The following TENM3 variants were observed in gnomAD, a reference collection of about 807,000 sequenced individuals.
TENM3 encodes the protein teneurin-3.
TENM3 carries 63 observed loss-of-function variants against 255.1 expected under a neutral mutation model. The observed-to-expected ratio is 0.25, with a 90% CI of 0.20 to 0.30. The LOEUF (loss-of-function observed/expected upper bound fraction) is 0.30. Ranked by LOEUF, TENM3 falls within the 10% of genes least tolerant of loss-of-function variation. The probability of loss-of-function intolerance (pLI) is 1.00; values close to 1 mark genes in which losing one functional copy is unlikely to be tolerated. For missense variants in TENM3, 2,929 were observed against 3,461.1 expected (o/e 0.85, Z 3.86); for synonymous variants, 1,306 against 1,322.3 (o/e 0.99, Z 0.27).
chr4:182,350,152 A>G (rs561859492), intron 3 of TENM3: 4 of 155,776 alleles, frequency 2.6e-5, no homozygotes, highest in African/African-American at 9.6e-5. Flanking sequence ...TTATTTATTG[A>G]TAAAGAGGCC....
chr4:182,296,335 G>A (rs1212479053), intron 1 of TENM3, among the ~76,000 whole-genome samples: 2 of 152,100 alleles, frequency 1.3e-5, no homozygotes, highest in Non-Finnish European at 2.9e-5. Context: ...ACTCTTTTAG[G>A]ATCTCTGATC....
intron 3 of TENM3, among the ~76,000 whole-genome samples, chr4:182,443,265 G>T (rs937149557): frequency 6.6e-6 from 1 of 152,010 alleles, no homozygotes; most frequent in African/African-American, 2.4e-5. Flanking sequence ...GACACATACT[G>T]CCATCCCTGG....
At chr4:182,562,026 A>AGAT (rs2151975648) in intron 3 of TENM3, among the ~76,000 whole-genome samples, 1 of 152,028 alleles carries the variant, frequency 6.6e-6, no homozygotes, top group South Asian at 2.1e-4. Context: ...ATAGATAGAT[A>AGAT]GATAGATACA....
At chr4:182,595,219 C>T (rs147134273) in intron 3 of TENM3, among the ~76,000 whole-genome samples, 3 of 152,216 alleles carry the variant, frequency 2.0e-5, no homozygotes, top group South Asian at 2.1e-4. Flanking sequence ...AACAGAGTTG[C>T]TATCTAGGGA....
the TENM3 span, among the ~76,000 whole-genome samples, chr4:181,834,003 C>A: frequency 2.0e-5 from 3 of 151,706 alleles, no homozygotes; most frequent in African/African-American, 7.3e-5. Flanking sequence ...TATTTTAAGT[C>A]AGTTTTGGAT....
At chr4:181,582,828 G>A in the TENM3 span, among the ~76,000 whole-genome samples, 2 of 152,258 alleles carry the variant, frequency 1.3e-5, no homozygotes, top group Non-Finnish European at 2.9e-5. Flanking sequence ...AAAGGAAAGC[G>A]GCCATCTTGT....
chr4:182,145,276 G>A (rs1293263505), intron 1 of TENM3: 1 of 152,362 alleles, frequency 6.6e-6, no homozygotes, highest in Non-Finnish European at 1.5e-5. Context: ...GAAAAGGAGT[G>A]AAGGAGGGAG....
chr4:182,450,341 C>T (rs1403016784), intron 3 of TENM3, among the ~76,000 whole-genome samples: 1 of 152,130 alleles, frequency 6.6e-6, no homozygotes, highest in Admixed American at 6.5e-5. Context: ...ACTAAGCCTC[C>T]CTCTCAGCCG....
chr4:182,163,407 A>T (rs1279234978), intron 1 of TENM3, among the ~76,000 whole-genome samples: 1 of 152,136 alleles, frequency 6.6e-6, no homozygotes, highest in Non-Finnish European at 1.5e-5. Flanking sequence ...TCTTAGGTAC[A>T]GTGTGCCTCA....
At chr4:182,299,680 A>G (rs1239278455) in intron 1 of TENM3, among the ~76,000 whole-genome samples, 1 of 152,096 alleles carries the variant, frequency 6.6e-6, no homozygotes, top group East Asian at 1.9e-4. Flanking sequence ...TCAAGGTGTT[A>G]TTATCCCCCA....
At chr4:182,143,583 T>C (rs1215774144), upstream of TENM3, 2 of 166,736 alleles carry the variant, frequency 1.2e-5, no homozygotes, top group East Asian at 3.9e-4. This position sits in a 1 kb window ranked among gnomAD's most constrained non-coding sequence, Gnocchi z 4.3. Context: ...CTAAGAAGGT[T>C]AGAGGTTTGA....
the TENM3 span, among the ~76,000 whole-genome samples, chr4:181,493,942 T>C: frequency 1.2e-4 from 18 of 152,216 alleles, no homozygotes; most frequent in South Asian, 3.5e-3. Context: ...TATCAAATAC[T>C]TATAGAGGAC....
the TENM3 span, among the ~76,000 whole-genome samples, chr4:181,806,140 G>T: frequency 6.6e-6 from 1 of 152,118 alleles, no homozygotes; most frequent in Non-Finnish European, 1.5e-5. Flanking sequence ...AAAATACGTG[G>T]TCCGTAGTAC....
intron 10 of TENM3, among the ~76,000 whole-genome samples, 155 bp from the exon 11 acceptor site, chr4:182,681,659 T>C (rs1254945186): frequency 6.6e-6 from 1 of 152,244 alleles, no homozygotes; most frequent in Non-Finnish European, 1.5e-5. Context: ...TGTATTATAA[T>C]TCTTTGCATT....
Position 182,601,191 on chromosome 4 carries a change from C to T in TENM3, c.749+30C>T, listed in dbSNP as rs767637719. 9.6e-6 allele frequency: 15 copies of T among 1,566,132 alleles called. No homozygotes were observed. In the Admixed American group the frequency reaches 2.3e-4, roughly 24 times the overall value. On this transcript the variant is annotated intron_variant, in intron 4 of 27. Transcript: ENST00000511685. ...CATCTAAAATTTCAAAATAAGCTAGCCCAACCCTTTTCTCACCAGGAGCAA... is the reference window on the plus strand; with the variant it reads ...CATCTAAAATTTCAAAATAAGCTAGTCCAACCCTTTTCTCACCAGGAGCAA...
chr4:181,473,462 C>T, the TENM3 span, among the ~76,000 whole-genome samples: 3 of 152,044 alleles, frequency 2.0e-5, no homozygotes, highest in East Asian at 1.9e-4. Context: ...GGTGGCGACA[C>T]GCACCTGTGG....
chr4:181,915,786 G>C, the TENM3 span, among the ~76,000 whole-genome samples: 2 of 151,940 alleles, frequency 1.3e-5, no homozygotes, highest in African/African-American at 4.8e-5. Flanking sequence ...GGGAGCCAGA[G>C]GTAGTCCAGT....
the TENM3 span, among the ~76,000 whole-genome samples, chr4:181,605,993 T>C: frequency 6.6e-6 from 1 of 152,150 alleles, no homozygotes; most frequent in African/African-American, 2.4e-5. Flanking sequence ...GGTGCTGAAG[T>C]GAGTTCCACT....
chr4:181,962,950 T>G, the TENM3 span, among the ~76,000 whole-genome samples: 2 of 152,354 alleles, frequency 1.3e-5, no homozygotes, highest in East Asian at 3.9e-4. Flanking sequence ...AATATTGAAT[T>G]GCTACAGCCT....
Sources: gnomAD v4.1 joint callset for allele counts (sites outside exome capture counted in the v4.1 genomes callset) on GRCh38, gnomAD v4.1.1 for gene constraint, Gnocchi (gnomAD v3.1) non-coding constraint, MANE v1.5 for transcripts, NCBI Gene and HGNC (gene_info 2026-07-23, HGNC 2026-07-21) for gene names.